BBS12: variants seen among roughly 807,000 people sequenced by gnomAD.
BBS12 encodes chaperonin-containing T-complex member BBS12.
Under a neutral mutation model 5.6 loss-of-function variants are expected in BBS12, and 5 were observed. That is an observed-to-expected ratio of 0.89 (90% confidence interval 0.46 to 1.86). BBS12 has a LOEUF of 1.86. Ranked by LOEUF, BBS12 falls within the 40% of genes most tolerant of loss-of-function variation. BBS12 has a pLI of 0.01. For synonymous variants in BBS12, 308 were observed against 306.8 expected (o/e 1.00, Z -0.04); for missense variants, 748 against 830.4 (o/e 0.90, Z 1.22).
chr4:122,701,391 T>C, the BBS12 span, among the ~76,000 whole-genome samples: 4 of 151,726 alleles, frequency 2.6e-5, no homozygotes. Flanking sequence ...TCCAAATATA[T>C]TTTTATTGCA....
At position 122,743,545 on chromosome 4, in the gene BBS12, T is replaced by G. The variant is rs1800929267; in HGVS notation, c.1653T>G (p.His551Gln). Residue 551 changes from histidine to glutamine, a missense_variant, in exon 2 of 2, where the codon CAT (histidine) becomes CAG (glutamine). By Grantham distance (24) the His-to-Gln change is conservative (BLOSUM62 0). Coordinates refer to ENST00000314218, the MANE Select transcript of BBS12 (RefSeq NM_152618.3). ...AATTTTTGTGTCTTAGCTGTCTTCA[T>G]ATTCTTGCAGAGCAATCTCTGAAAA... is the stretch of plus-strand genomic sequence containing the variant. ...AVEFLCLSCL[H>Q]ILAEQSLKKE... 6.2e-6 allele frequency: 10 copies of G among 1,614,234 alleles called. No individual in the cohort carries two copies. Among genetic ancestry groups the G allele is most frequent in the Non-Finnish European group, 8.5e-6 (10 of 1,180,040 alleles).
chr4:122,727,419 T>C, the BBS12 span, among the ~76,000 whole-genome samples: 3 of 152,010 alleles, frequency 2.0e-5, no homozygotes, highest in East Asian at 5.8e-4. Context: ...AAATATTTTT[T>C]ATTTTTAGTA....
chr4:122,705,159 A>G, the BBS12 span, among the ~76,000 whole-genome samples: 1 of 152,328 alleles, frequency 6.6e-6, no homozygotes, highest in Admixed American at 6.5e-5. Flanking sequence ...CCTGAGCCCA[A>G]ATCATTGTGA....
the BBS12 span, among the ~76,000 whole-genome samples, chr4:122,703,895 G>A: frequency 6.6e-6 from 1 of 152,094 alleles, no homozygotes; most frequent in Non-Finnish European, 1.5e-5. Flanking sequence ...TGTTGCCCAG[G>A]TTGGAGAGTG....
the BBS12 span, among the ~76,000 whole-genome samples, chr4:122,725,531 CA>C: frequency 2.0e-5 from 3 of 152,128 alleles, no homozygotes; most frequent in African/African-American, 7.2e-5. Context: ...CCCTAATCAA[CA>C]AATGGTGCTG....
chr4:122,735,944 G>A (rs1315075255), intron 1 of BBS12, among the ~76,000 whole-genome samples: 1 of 152,046 alleles, frequency 6.6e-6, no homozygotes, highest in Non-Finnish European at 1.5e-5. Context: ...GCTCAGGGTA[G>A]GCCTCATTGA....
At chr4:122,725,153 G>A in the BBS12 span, among the ~76,000 whole-genome samples, 1 of 151,944 alleles carries the variant, frequency 6.6e-6, no homozygotes, top group African/African-American at 2.4e-5. Context: ...GTAGAGGCTT[G>A]GGTAGAATCA....
At chr4:122,712,120 C>T in the BBS12 span, among the ~76,000 whole-genome samples, 1 of 152,230 alleles carries the variant, frequency 6.6e-6, no homozygotes, top group African/African-American at 2.4e-5. Flanking sequence ...GTTACAACCT[C>T]AGCTTTCCTG....
chr4:122,718,743 TGAAATGA>T, the BBS12 span, among the ~76,000 whole-genome samples: 2 of 151,764 alleles, frequency 1.3e-5, no homozygotes, highest in African/African-American at 4.8e-5. Context: ...TGAAATGAAA[TGAAATGA>T]AATGAAATGA....
In BBS12 at chr4:122,743,912, C is replaced by T. The variant is rs759088490; in HGVS notation, c.2020C>T (p.Arg674Cys). The change falls in exon 2 of 2, where the codon CGC becomes TGC. Residue 674 changes from arginine to cysteine, a missense_variant. Transcript: ENST00000314218. ...TGTTACACCAAAGATTGAGGCGTGG[C>T]GCCGAGCATTGGATTTAGTATTGTT... ...DVVTPKIEAW[R>C]RALDLVLLVL... The T allele has an allele frequency of 1.2e-5, 20 of 1,606,442 alleles. No homozygotes were observed. Among genetic ancestry groups the T allele is most frequent in the East Asian group, 2.2e-5 (1 of 44,854 alleles).
chr4:122,705,639 C>G, the BBS12 span, among the ~76,000 whole-genome samples: 1 of 152,144 alleles, frequency 6.6e-6, no homozygotes, highest in Non-Finnish European at 1.5e-5. Context: ...TGTGTGTTTC[C>G]TGGCATAGCC....
chr4:122,725,226 A>C, the BBS12 span, among the ~76,000 whole-genome samples: 1 of 152,208 alleles, frequency 6.6e-6, no homozygotes, highest in Non-Finnish European at 1.5e-5. Flanking sequence ...TGCCATCAAA[A>C]TACCACCATA....
At chr4:122,727,156 TAAC>T in the BBS12 span, among the ~76,000 whole-genome samples, 1 of 152,122 alleles carries the variant, frequency 6.6e-6, no homozygotes, top group African/African-American at 2.4e-5. Flanking sequence ...AAAAGGCAAA[TAAC>T]AAATGGTACA....
the BBS12 span, among the ~76,000 whole-genome samples, chr4:122,719,359 T>C: frequency 6.6e-6 from 1 of 152,070 alleles, no homozygotes; most frequent in Non-Finnish European, 1.5e-5. Flanking sequence ...GAATAAAAGC[T>C]GGCCACCTGA....
At chr4:122,732,616 A>C (rs766777580), upstream of BBS12, 1 of 152,342 alleles carries the variant, frequency 6.6e-6, no homozygotes, top group South Asian at 2.1e-4. Flanking sequence ...CCTTTAAACC[A>C]GCCCTTTCTC....
upstream of BBS12, among the ~76,000 whole-genome samples, chr4:122,727,864 T>C (rs1800644225): frequency 6.6e-6 from 1 of 151,748 alleles, no homozygotes; most frequent in African/African-American, 2.4e-5. Flanking sequence ...AATTTTAAAA[T>C]CCAATGGAAA....
the BBS12 span, among the ~76,000 whole-genome samples, chr4:122,714,644 A>G: frequency 6.6e-6 from 1 of 151,736 alleles, no homozygotes; most frequent in Non-Finnish European, 1.5e-5. Flanking sequence ...ATATAAATAT[A>G]TACACACACA....
At chr4:122,718,029 C>G in the BBS12 span, among the ~76,000 whole-genome samples, 1 of 152,112 alleles carries the variant, frequency 6.6e-6, no homozygotes, top group Non-Finnish European at 1.5e-5. Flanking sequence ...TCCTATGCAT[C>G]TCAGTTTTCT....
At chr4:122,730,678 C>T (rs1800685567), upstream of BBS12, 1 of 152,116 alleles carries the variant, frequency 6.6e-6, no homozygotes, top group Non-Finnish European at 1.5e-5. Flanking sequence ...TTTAAAATGA[C>T]ATAAATGAAG....
Sources: gnomAD v4.1 joint callset for allele counts (sites outside exome capture counted in the v4.1 genomes callset) on GRCh38, gnomAD v4.1.1 for gene constraint, MANE v1.5 for transcripts, NCBI Gene and HGNC (gene_info 2026-07-23, HGNC 2026-07-21) for gene names.